The following GBF1 variants were observed in gnomAD, a reference collection of about 807,000 sequenced individuals.
GBF1 encodes the protein Golgi-specific brefeldin A-resistance guanine nucleotide exchange factor 1.
Under a neutral mutation model 210.5 loss-of-function variants are expected in GBF1, and 114 were observed. The ratio of observed to expected loss-of-function variants is 0.54; its 90% CI spans 0.47 to 0.63. The LOEUF (loss-of-function observed/expected upper bound fraction) is 0.63. Ranked by LOEUF, GBF1 falls within the 30% of genes least tolerant of loss-of-function variation. GBF1 has a pLI of 0.00. For missense variants in GBF1, 1,851 were observed against 2,357.7 expected, an observed-to-expected ratio of 0.79 and a Z score of 4.45; for synonymous variants, 850 against 889.2, an observed-to-expected ratio of 0.96 and a Z score of 0.78.
At chr10:102,348,326 A>G (rs1290692058) in intron 4 of GBF1, among the ~76,000 whole-genome samples, 2 of 152,214 alleles carry the variant, frequency 1.3e-5, no homozygotes, top group African/African-American at 2.4e-5. Context: ...CTTAAACCCC[A>G]TTAATGGAGT....
chr10:102,379,707 A>G, intron 35 of GBF1, 56 bp downstream of exon 35: 1 of 1,602,352 alleles, frequency 6.2e-7, no homozygotes, highest in Non-Finnish European at 8.5e-7. Flanking sequence ...AAGGAAAGCC[A>G]GGCAGCCTGA....
chr10:102,372,491 G>C (rs1316969972), intron 29 of GBF1, among the ~76,000 whole-genome samples: 1 of 152,128 alleles, frequency 6.6e-6, no homozygotes, highest in Non-Finnish European at 1.5e-5. Context: ...CTCCAGCCTG[G>C]ACAGCGAAAC....
the GBF1 span, among the ~76,000 whole-genome samples, chr10:102,233,965 G>A: frequency 6.6e-6 from 1 of 152,194 alleles, no homozygotes; most frequent in Non-Finnish European, 1.5e-5. Flanking sequence ...TGGGGCTCAA[G>A]ACTCTGGGTG....
chr10:102,308,130 G>A (rs2078075738), intron 3 of GBF1, among the ~76,000 whole-genome samples: 1 of 148,204 alleles, frequency 6.7e-6, no homozygotes, highest in East Asian at 2.0e-4. Flanking sequence ...AATATGCCCA[G>A]CAGGTAATCA....
intron 3 of GBF1, among the ~76,000 whole-genome samples, chr10:102,319,151 A>C (rs111763328): frequency 0.05 from 7,643 of 152,278 alleles, 379 homozygotes; most frequent in African/African-American, 0.13. Context: ...CCCCGTCTCT[A>C]CTAAAAATAC....
intron 3 of GBF1, among the ~76,000 whole-genome samples, chr10:102,300,778 T>C (rs1400215204): frequency 6.6e-6 from 1 of 152,198 alleles, no homozygotes; most frequent in Non-Finnish European, 1.5e-5. Context: ...GCTTCTTTTA[T>C]AGCTTGTTGT....
rs1045813948 is a variant in GBF1, at chr10:102,358,674, C to G, written c.956C>G (p.Thr319Arg). The change falls in exon 10 of 40, where the codon ACA becomes AGA. Residue 319 changes from threonine (T) to arginine (R), a missense_variant. Thr to Arg is a moderately conservative substitution (Grantham distance 71). Coordinates refer to ENST00000369983, the MANE Select transcript of GBF1 (RefSeq NM_001377137.1). Reference protein sequence around the residue: ...LEQPGSPGYSTATEPGSSELG... With the variant: ...LEQPGSPGYSRATEPGSSELG... ...CAACCTGGCTCTCCAGGGTACAGCA[C>G]AGCTACAGAGCCTGGAAGCAGTGAG... The G allele has an allele frequency of 1.9e-6, 3 of 1,614,032 alleles. No homozygotes were observed. The African/African-American group carries it at 4.0e-5, about 22-fold the overall frequency.
chr10:102,360,996 A>G, intron 12 of GBF1, 26 bp from the exon 13 acceptor site: 1 of 1,153,990 alleles, frequency 8.7e-7, no homozygotes, highest in Non-Finnish European at 1.3e-6. Context: ...AAAAAAACTC[A>G]TGGCCTACCC....
In GBF1 at chr10:102,264,499, C is replaced by T. The variant is rs371225934; in HGVS notation, c.163+4383C>T. On this transcript the variant is annotated intron_variant, in intron 3 of 39. Coordinates refer to ENST00000369983, the MANE Select transcript of GBF1 (RefSeq NM_001377137.1). Reference sequence around the variant, plus strand: ...CCAAAGAATCCGTTTTAATCTTTTCCGGATGCAAATTTCAGGCTGTCTTGT... The same window carrying T: ...CCAAAGAATCCGTTTTAATCTTTTCTGGATGCAAATTTCAGGCTGTCTTGT... Among the ~76,000 whole-genome samples, 6 of 152,054 alleles carry T rather than the reference C, an allele frequency of 3.9e-5. No individual in the cohort carries two copies. The South Asian group carries it at 1.0e-3, about 26-fold the overall frequency.
Position 102,367,156 on chromosome 10 carries a change from T to C in GBF1, c.2505T>C (p.Asn835=). The part of the protein sequence containing the change: ...FSLAYAVIML[N]TDQHNHNVRK... ...TGGCCTATGCTGTCATCATGCTTAA[T>C]ACTGACCAGCACAACCACAATGTTC... The change falls in exon 20 of 40, where the codon AAT becomes AAC. Residue 835 remains asparagine (N), a synonymous_variant. Coordinates refer to ENST00000369983, the MANE Select transcript of GBF1 (RefSeq NM_001377137.1). 1.9e-6 allele frequency: 3 copies of C among 1,613,910 alleles called. No individual in the cohort carries two copies. Among genetic ancestry groups the C allele is most frequent in the Non-Finnish European group, 1.7e-6 (2 of 1,179,772 alleles).
chr10:102,298,786 C>A, intron 3 of GBF1, among the ~76,000 whole-genome samples: 1 of 152,128 alleles, frequency 6.6e-6, no homozygotes, highest in East Asian at 1.9e-4. Context: ...GGACTGTAAA[C>A]CTAGGCCTGT....
chr10:102,361,266 A>T, intron 13 of GBF1, 146 bp downstream of exon 13: 1 of 619,956 alleles, frequency 1.6e-6, no homozygotes, highest in Non-Finnish European at 2.9e-6. Flanking sequence ...AGTTCGGTTC[A>T]ATCAACTGGC....
chr10:102,295,168 A>G (rs1323980035), intron 3 of GBF1, among the ~76,000 whole-genome samples: 1 of 152,200 alleles, frequency 6.6e-6, no homozygotes, highest in East Asian at 1.9e-4. Context: ...TTCTCTGTCA[A>G]TATTTACAAG....
At chr10:102,324,641 C>A (rs911899402) in intron 3 of GBF1, among the ~76,000 whole-genome samples, 1 of 152,100 alleles carries the variant, frequency 6.6e-6, no homozygotes, top group Non-Finnish European at 1.5e-5. Context: ...GGCTGGAGTG[C>A]AGTGGCGCAA....
chr10:102,305,178 TG>T (rs2077741649), intron 3 of GBF1, among the ~76,000 whole-genome samples: 2 of 5,360 alleles, frequency 3.7e-4, no homozygotes, highest in Non-Finnish European at 4.8e-3. Flanking sequence ...TGCAGATTTG[TG>T]TGTGTGTGTG....
chr10:102,331,015 C>A (rs1007917781), intron 3 of GBF1, among the ~76,000 whole-genome samples: 1 of 152,022 alleles, frequency 6.6e-6, no homozygotes, highest in Non-Finnish European at 1.5e-5. Flanking sequence ...AGCAAGGAGA[C>A]GATGGCAAAA....
upstream of GBF1, among the ~76,000 whole-genome samples, chr10:102,244,718 G>T (rs1474737691): frequency 6.6e-6 from 1 of 152,196 alleles, no homozygotes; most frequent in African/African-American, 2.4e-5. Context: ...GGCATAAGAG[G>T]TGACAAAAGG....
At chr10:102,287,891 A>G (rs2076095091) in intron 3 of GBF1, among the ~76,000 whole-genome samples, 1 of 152,210 alleles carries the variant, frequency 6.6e-6, no homozygotes, top group Admixed American at 6.5e-5. Context: ...CTGGCCTTGC[A>G]GGAAGTTAAA....
At chr10:102,247,105 T>A (rs2070936540) in intron 1 of GBF1, among the ~76,000 whole-genome samples, 1 of 152,242 alleles carries the variant, frequency 6.6e-6, no homozygotes, top group South Asian at 2.1e-4. Context: ...AGGAACACTT[T>A]GCACTTTTGC....
Sources: allele counts gnomAD v4.1 joint callset (sites outside exome capture counted in the v4.1 genomes callset), GRCh38; gene constraint gnomAD v4.1.1; transcripts MANE v1.5; gene names NCBI Gene and HGNC (gene_info 2026-07-23, HGNC 2026-07-21).